Variants in TRHDE observed in about 807,000 individuals in gnomAD.
The protein encoded by TRHDE is thyrotropin-releasing hormone-degrading ectoenzyme.
Under a neutral mutation model 125.7 loss-of-function variants are expected in TRHDE, and 72 were observed. That is an observed-to-expected ratio of 0.57 (90% confidence interval 0.47 to 0.70). The LOEUF is 0.70. TRHDE is among the 30% of genes least tolerant of loss of function. The pLI is 0.00. For synonymous variants in TRHDE, 509 were observed against 509.1 expected, an observed-to-expected ratio of 1.00 and a Z score of 0.00; for missense variants, 1,110 against 1,327.1, an observed-to-expected ratio of 0.84 and a Z score of 2.54.
chr12:72,572,007 AC>A (rs1870759037), intron 10 of TRHDE, among the ~76,000 whole-genome samples: 2 of 151,154 alleles, frequency 1.3e-5, no homozygotes, highest in Admixed American at 1.3e-4. Flanking sequence ...ACACACACAC[AC>A]ACACACACAC....
intron 2 of TRHDE, among the ~76,000 whole-genome samples, chr12:72,226,002 A>G (rs1878121248): frequency 6.6e-6 from 1 of 152,188 alleles, no homozygotes; most frequent in African/African-American, 2.4e-5. Flanking sequence ...GTCAGCAAGG[A>G]CCGTGTACCA....
intron 2 of TRHDE, among the ~76,000 whole-genome samples, chr12:72,168,381 C>T (rs1280946396): frequency 6.6e-6 from 1 of 152,138 alleles, no homozygotes; most frequent in East Asian, 1.9e-4. Context: ...GGGTAGTTCT[C>T]ATTGATGTGA....
intron 2 of TRHDE, among the ~76,000 whole-genome samples, chr12:72,192,460 G>A (rs1462470205): frequency 1.3e-5 from 2 of 151,992 alleles, no homozygotes; most frequent in Non-Finnish European, 2.9e-5. Context: ...GAGACCCAAT[G>A]CCAACTCAGG....
chr12:72,213,896 C>T (rs555531820), intron 2 of TRHDE, among the ~76,000 whole-genome samples: 3 of 152,152 alleles, frequency 2.0e-5, no homozygotes, highest in South Asian at 2.1e-4. Context: ...TTTAGATCTC[C>T]TTAACTTCCA....
chr12:72,628,259 TAGG>T (rs1436227210), intron 15 of TRHDE, among the ~76,000 whole-genome samples: 2 of 151,860 alleles, frequency 1.3e-5, no homozygotes, highest in African/African-American at 4.8e-5. Context: ...GGAAGGTTTA[TAGG>T]AGAAGGACAA....
chr12:72,108,444 A>T (rs982477921), intron 2 of TRHDE, among the ~76,000 whole-genome samples: 3 of 152,106 alleles, frequency 2.0e-5, no homozygotes, highest in African/African-American at 7.2e-5. Context: ...CAGAACACTG[A>T]TACATATATT....
Position 72,618,991 on chromosome 12 carries a change from C to A in TRHDE, c.2422C>A (p.Pro808Thr). Residue 808 changes from proline to threonine, a missense_variant, in exon 13 of 19, where the codon CCT (proline) becomes ACT (threonine). Physicochemically the swap from Pro to Thr is conservative, Grantham distance 38 (BLOSUM62 -1). Coordinates refer to ENST00000261180, the MANE Select transcript of TRHDE (RefSeq NM_013381.3). ...GCATGCTGCCAGCCGAGCTCTTTATCCTCTAGATAAATTACTGGACCGCAT... is the reference window on the plus strand; with the variant it reads ...GCATGCTGCCAGCCGAGCTCTTTATACTCTAGATAAATTACTGGACCGCAT... ...PWHAASRALY[P>T]LDKLLDRMEN... 5.6e-6 allele frequency: 9 copies of A among 1,597,136 alleles called. No homozygotes were observed. The highest frequency in any genetic ancestry group is 7.7e-6 in the Non-Finnish European group (9 of 1,172,062).
intron 2 of TRHDE, among the ~76,000 whole-genome samples, chr12:72,296,071 T>G (rs1880288899): frequency 6.6e-6 from 1 of 152,220 alleles, no homozygotes; most frequent in African/African-American, 2.4e-5. Context: ...TCCTTTAGAC[T>G]GTGAACTCTT....
chr12:72,172,912 T>C (rs1876904146), intron 2 of TRHDE, among the ~76,000 whole-genome samples: 1 of 152,228 alleles, frequency 6.6e-6, no homozygotes, highest in Non-Finnish European at 1.5e-5. Context: ...ATCTCTTTTA[T>C]GTGTAACAAC....
chr12:72,362,523 C>T (rs1364504171), intron 2 of TRHDE, among the ~76,000 whole-genome samples: 1 of 152,042 alleles, frequency 6.6e-6, no homozygotes, highest in East Asian at 1.9e-4. Context: ...TGCCTGTTCA[C>T]TCTGATGGTA....
chr12:72,497,309 T>TTA lies in TRHDE; in HGVS notation c.1585-2187_1585-2186dup, dbSNP rs1485020793. On this transcript the variant is annotated intron_variant, in intron 5 of 18. Coordinates refer to ENST00000261180, the MANE Select transcript of TRHDE (RefSeq NM_013381.3). ...TTCTCTTTGGAATTTACTTTAGATTTTATTTTTTAAATTATATAGCCATTT... is the reference window on the plus strand; with the variant it reads ...TTCTCTTTGGAATTTACTTTAGATTTTATATTTTTTAAATTATATAGCCATTT... Among the ~76,000 whole-genome samples the TTA allele has an allele frequency of 3.9e-5, 6 of 152,144 alleles. No homozygotes were observed. In the South Asian group the frequency reaches 1.0e-3, roughly 26 times the overall value.
At chr12:72,636,756 G>T (rs1873773862) in intron 15 of TRHDE, among the ~76,000 whole-genome samples, 1 of 152,190 alleles carries the variant, frequency 6.6e-6, no homozygotes, top group African/African-American at 2.4e-5. Flanking sequence ...CATCTATTGA[G>T]ACAATCATGT....
chr12:72,504,969 C>T (rs1036085054), intron 6 of TRHDE, among the ~76,000 whole-genome samples: 1 of 151,904 alleles, frequency 6.6e-6, no homozygotes, highest in Non-Finnish European at 1.5e-5. Context: ...CTGATTATTC[C>T]CAGTTCTGTT....
intron 6 of TRHDE, among the ~76,000 whole-genome samples, chr12:72,506,118 G>A (rs1878347599): frequency 6.6e-6 from 1 of 152,138 alleles, no homozygotes; most frequent in African/African-American, 2.4e-5. Flanking sequence ...GGTGAACATA[G>A]TGAGACTCTG....
chr12:72,120,562 C>T lies in TRHDE; in HGVS notation n.279+14810C>T, dbSNP rs372508444. On this transcript the variant is annotated intron_variant and non_coding_transcript_variant, in intron 2 of 4. Coordinates refer to the TRHDE transcript ENST00000548156. The stretch of plus-strand genomic sequence containing the variant: ...AGGCTTGCAAATAACATCTTATAAC[C>T]CATTATTTTAAGCTAATGATAACAA... Among the ~76,000 whole-genome samples the T allele has an allele frequency of 2.6e-5, 4 of 151,974 alleles. No individual in the cohort carries two copies. The East Asian group carries it at 7.7e-4, about 29-fold the overall frequency.
chr12:72,207,006 C>T (rs1242081084), intron 2 of TRHDE, among the ~76,000 whole-genome samples: 2 of 152,142 alleles, frequency 1.3e-5, no homozygotes, highest in African/African-American at 4.8e-5. Context: ...TTACCTTTCT[C>T]TTTTAGTGTT....
At chr12:72,554,877 C>T (rs1400466561) in intron 7 of TRHDE, among the ~76,000 whole-genome samples, 1 of 152,124 alleles carries the variant, frequency 6.6e-6, no homozygotes, top group Non-Finnish European at 1.5e-5. Context: ...GAATGGCATA[C>T]AAATCCTACA....
At chr12:72,501,201 AATTCATTTTTGCAT>A in intron 6 of TRHDE, among the ~76,000 whole-genome samples, 1 of 152,096 alleles carries the variant, frequency 6.6e-6, no homozygotes, top group East Asian at 1.9e-4. Context: ...CATAGAATGC[AATTCATTTTTGCAT>A]ATTTTTCTGG....
intron 2 of TRHDE, among the ~76,000 whole-genome samples, chr12:72,161,857 A>G (rs1255215103): frequency 1.3e-5 from 2 of 152,256 alleles, no homozygotes; most frequent in Non-Finnish European, 2.9e-5. Context: ...TGATCTTGAT[A>G]TGTGTTTTCA....
Sources: allele counts gnomAD v4.1 joint callset (sites outside exome capture counted in the v4.1 genomes callset), GRCh38; gene constraint gnomAD v4.1.1; transcripts MANE v1.5; gene names NCBI Gene and HGNC (gene_info 2026-07-23, HGNC 2026-07-21).